SPTSSA: variants seen among roughly 807,000 people sequenced by gnomAD.
SPTSSA encodes serine palmitoyltransferase small subunit A, also known as small subunit of serine palmitoyltransferase A.
Under a neutral mutation model 9.1 loss-of-function variants are expected in SPTSSA, and 8 were observed. The ratio of observed to expected loss-of-function variants is 0.88; its 90% CI spans 0.51 to 1.58. The LOEUF (loss-of-function observed/expected upper bound fraction) is 1.58. Ranked by LOEUF, SPTSSA falls within the 40% of genes most tolerant of loss-of-function variation. The pLI is 0.00. For synonymous variants in SPTSSA, 42 were observed against 37.7 expected (o/e 1.11, Z -0.41); for missense variants, 100 against 93.8 (o/e 1.07, Z -0.27).
At chr14:34,437,099 A>G (rs1356904168) in intron 1 of SPTSSA, among the ~76,000 whole-genome samples, 1 of 152,184 alleles carries the variant, frequency 6.6e-6, no homozygotes, top group Non-Finnish European at 1.5e-5. Context: ...GGCTGTTTGA[A>G]TTGACACTGT....
chr14:34,443,355 AGTGTGTGTGTGTGT>A (rs759850438), intron 1 of SPTSSA, among the ~76,000 whole-genome samples: 10 of 6,266 alleles, frequency 1.6e-3, no homozygotes, highest in Non-Finnish European at 2.6e-3. Context: ...GGAGGGTGTG[AGTGTGTGTGTGTGT>A]GTGTGTGTGT....
At position 34,435,068 on chromosome 14, in the gene SPTSSA, C is replaced by T; in HGVS notation, c.*133G>A. On this transcript the variant is annotated 3_prime_UTR_variant, in exon 2 of 2. Coordinates refer to ENST00000298130, the MANE Select transcript of SPTSSA (RefSeq NM_138288.4). ...GAGTCAGGATGATTTTCCTGTTCTACTCATGAATTTTAGTCTTTATAAGGT... is the reference window on the plus strand; with the variant it reads ...GAGTCAGGATGATTTTCCTGTTCTATTCATGAATTTTAGTCTTTATAAGGT... 3.6e-6 allele frequency: 2 copies of T among 552,954 alleles called. No individual in the cohort carries two copies. The highest frequency in any genetic ancestry group is 6.1e-5 in the East Asian group (2 of 32,942). The allele number at this position is 552,954 out of a possible 1,614,324, so 34.3% of individuals were successfully genotyped here. A position where few individuals can be genotyped will look rare whatever the true frequency, so the allele number is the denominator to read the frequency against.
chr14:34,443,506 G>GGGGT (rs752322612), intron 1 of SPTSSA, among the ~76,000 whole-genome samples: 1 of 2,978 alleles, frequency 3.4e-4, no homozygotes, highest in Non-Finnish European at 1.1e-3. Context: ...TCTAGGGGAG[G>GGGGT]GTGTGTGTGT....
intron 1 of SPTSSA, among the ~76,000 whole-genome samples, chr14:34,449,936 A>T (rs1294162082): frequency 6.6e-6 from 1 of 152,216 alleles, no homozygotes; most frequent in Non-Finnish European, 1.5e-5. Context: ...AAGCCTCTCA[A>T]AATTTAAAGT....
chr14:34,459,294 A>G (rs1215558646), intron 1 of SPTSSA, among the ~76,000 whole-genome samples: 2 of 142,878 alleles, frequency 1.4e-5, no homozygotes, highest in Non-Finnish European at 3.0e-5. Context: ...CTCCGCCTCT[A>G]TTAAAAATAC....
chr14:34,442,535 C>T (rs114996990), intron 1 of SPTSSA, among the ~76,000 whole-genome samples: 2,660 of 152,324 alleles, frequency 0.017, 72 homozygotes, highest in African/African-American at 0.062. Flanking sequence ...AAAGGGGATG[C>T]TCCTGGCAGA....
At chr14:34,453,231 ACC>A (rs1883559072) in intron 1 of SPTSSA, among the ~76,000 whole-genome samples, 1 of 152,100 alleles carries the variant, frequency 6.6e-6, no homozygotes, top group South Asian at 2.1e-4. Context: ...AGTACTCCTA[ACC>A]CCCAAGTGGA....
At chr14:34,454,569 C>A (rs77161774) in intron 1 of SPTSSA, among the ~76,000 whole-genome samples, 1,805 of 152,300 alleles carry the variant, frequency 0.012, 41 homozygotes, top group African/African-American at 0.041. Context: ...GTTAAACAGG[C>A]TAGAGCAGTT....
chr14:34,436,658 T>C (rs1272099406), intron 1 of SPTSSA, among the ~76,000 whole-genome samples: 1 of 152,238 alleles, frequency 6.6e-6, no homozygotes, highest in African/African-American at 2.4e-5. Context: ...AATTACATTA[T>C]CTTACTTAAC....
rs1022340593 is a variant in SPTSSA at position 34,433,368 on chromosome 14, C to T, written c.*1833G>A. 6.6e-6 allele frequency: 1 copy of T among 152,282 alleles called. No homozygotes were observed. The highest frequency in any genetic ancestry group is 1.5e-5 in the Non-Finnish European group (1 of 68,028). The allele number at this position is 152,282 out of a possible 1,614,324, so 9.4% of individuals were successfully genotyped here. Reference sequence around the variant, plus strand: ...TTCAACTCACCAGAGGAATATTAGACATCCACTTGTTAGTGGTTCTCTATG... The same window carrying T: ...TTCAACTCACCAGAGGAATATTAGATATCCACTTGTTAGTGGTTCTCTATG... On this transcript the variant is annotated 3_prime_UTR_variant, in exon 2 of 2. Coordinates refer to ENST00000298130, the MANE Select transcript of SPTSSA (RefSeq NM_138288.4).
At chr14:34,437,088 A>T (rs1313851365) in intron 1 of SPTSSA, among the ~76,000 whole-genome samples, 1 of 152,216 alleles carries the variant, frequency 6.6e-6, no homozygotes, top group Non-Finnish European at 1.5e-5. Flanking sequence ...CCAAATCCAA[A>T]GGCTGTTTGA....
At chr14:34,438,753 TCC>T (rs939147638) in intron 1 of SPTSSA, among the ~76,000 whole-genome samples, 1 of 152,096 alleles carries the variant, frequency 6.6e-6, no homozygotes, top group Non-Finnish European at 1.5e-5. Context: ...GTATCTCACC[TCC>T]CCAACCTTAA....
At chr14:34,453,922 G>T in intron 1 of SPTSSA, among the ~76,000 whole-genome samples, 1 of 151,590 alleles carries the variant, frequency 6.6e-6, no homozygotes. Context: ...GTTCACACCT[G>T]TAATCCGAGC....
At chr14:34,445,357 C>A (rs914701649) in intron 1 of SPTSSA, among the ~76,000 whole-genome samples, 1 of 151,844 alleles carries the variant, frequency 6.6e-6, no homozygotes, top group Non-Finnish European at 1.5e-5. Context: ...AAAAACTAGC[C>A]GAGCGTGGTG....
At position 34,462,089 on chromosome 14, in the gene SPTSSA, A is replaced by T; in HGVS notation, c.112+7T>A. 2.1e-6 allele frequency: 3 copies of T among 1,456,426 alleles called. No individual in the cohort carries two copies. Among genetic ancestry groups the T allele is most frequent in the Non-Finnish European group, 1.8e-6 (2 of 1,092,886 alleles). 90.2% of individuals were successfully genotyped at this position (1,456,426 alleles called of 1,614,324 possible). ...CGGCCCCCGCGCGCGCGGCCGGGAC[A>T]GGATACTGAACACCGTCCGCTCCCA... On this transcript the variant is annotated splice_region_variant and intron_variant, in intron 1 of 1. Transcript: ENST00000298130.
intron 1 of SPTSSA, among the ~76,000 whole-genome samples, chr14:34,452,078 C>G (rs1883537462): frequency 6.6e-6 from 1 of 151,654 alleles, no homozygotes; most frequent in Admixed American, 6.6e-5. Flanking sequence ...CACCTGAGGT[C>G]AGACCAAAAA....
In SPTSSA at chr14:34,433,753, G is replaced by A. The variant is rs771859897; in HGVS notation, c.*1448C>T. The A allele has an allele frequency of 6.6e-6, 1 of 152,038 alleles. No homozygotes were observed. The highest frequency in any genetic ancestry group is 1.5e-5 in the Non-Finnish European group (1 of 68,050). 9.4% of individuals were successfully genotyped at this position (152,038 alleles called of 1,614,324 possible). On this transcript the variant is annotated 3_prime_UTR_variant, in exon 2 of 2. Coordinates refer to ENST00000298130, the MANE Select transcript of SPTSSA (RefSeq NM_138288.4). ...CCGAGGCAGGTGGATCAGGAGGTCA[G>A]GAGTTTGAGACCATCCTGGCCAACA...
chr14:34,456,374 T>G (rs778702133), intron 1 of SPTSSA, among the ~76,000 whole-genome samples: 10 of 152,092 alleles, frequency 6.6e-5, no homozygotes, highest in Non-Finnish European at 2.9e-5. Flanking sequence ...TATAAACAAC[T>G]GTTTTTTAAG....
At chr14:34,456,968 T>TTATTATTAC (rs1489413918) in intron 1 of SPTSSA, among the ~76,000 whole-genome samples, 44 of 148,094 alleles carry the variant, frequency 3.0e-4, no homozygotes, top group African/African-American at 1.1e-3. Flanking sequence ...ATTATTATTA[T>TTATTATTAC]TATTACTATT....
Sources: gnomAD v4.1 joint callset for allele counts (sites outside exome capture counted in the v4.1 genomes callset) on GRCh38, gnomAD v4.1.1 for gene constraint, MANE v1.5 for transcripts, NCBI Gene and HGNC (gene_info 2026-07-23, HGNC 2026-07-21) for gene names.